The following PPARGC1A variants were observed in gnomAD, a reference collection of about 807,000 sequenced individuals.
PPARGC1A encodes PPARG coactivator 1 alpha.
A neutral mutation model predicts 88.7 loss-of-function variants in PPARGC1A; 25 were observed. The observed-to-expected ratio is 0.28, with a 90% confidence interval of 0.21 to 0.39. The LOEUF is 0.39. Among genes scored for constraint, PPARGC1A ranks in the 10% least tolerant of loss-of-function variants. The probability of loss-of-function intolerance (pLI) is 1.00; values close to 1 mark genes in which losing one functional copy is unlikely to be tolerated. For synonymous variants in PPARGC1A, 363 were observed against 355.6 expected, an observed-to-expected ratio of 1.02 and a Z score of -0.24; for missense variants, 880 against 968.7, an observed-to-expected ratio of 0.91 and a Z score of 1.22.
At chr4:24,070,941 G>A in the PPARGC1A span, among the ~76,000 whole-genome samples, 1 of 152,124 alleles carries the variant, frequency 6.6e-6, no homozygotes, top group Non-Finnish European at 1.5e-5. Context: ...GAGGCCTTAT[G>A]GCCAGCAAAG....
At chr4:24,123,730 C>G in the PPARGC1A span, among the ~76,000 whole-genome samples, 2 of 152,002 alleles carry the variant, frequency 1.3e-5, no homozygotes, top group South Asian at 4.2e-4. Context: ...TCAAGTCATT[C>G]TGCTTAAACC....
chr4:24,159,623 A>G, the PPARGC1A span, among the ~76,000 whole-genome samples: 1 of 152,182 alleles, frequency 6.6e-6, no homozygotes, highest in Non-Finnish European at 1.5e-5. Flanking sequence ...TATAATAGTT[A>G]TTGTTAAATT....
the PPARGC1A span, among the ~76,000 whole-genome samples, chr4:24,370,891 C>T: frequency 1.3e-4 from 20 of 151,172 alleles, no homozygotes; most frequent in Admixed American, 3.3e-4. Flanking sequence ...TTTTAAGCCC[C>T]GTATGCATTA....
At chr4:24,162,005 CA>C in the PPARGC1A span, among the ~76,000 whole-genome samples, 1 of 142,668 alleles carries the variant, frequency 7.0e-6, no homozygotes, top group South Asian at 2.3e-4. Flanking sequence ...CACACACACA[CA>C]CACACACCAT....
chr4:24,329,268 T>C, the PPARGC1A span, among the ~76,000 whole-genome samples: 1 of 152,032 alleles, frequency 6.6e-6, no homozygotes, highest in Non-Finnish European at 1.5e-5. Context: ...CTTTTTTTTT[T>C]TTCCTCTTCA....
At chr4:24,233,632 C>A in the PPARGC1A span, among the ~76,000 whole-genome samples, 1 of 149,140 alleles carries the variant, frequency 6.7e-6, no homozygotes, top group African/African-American at 2.5e-5. Context: ...ATATACACAC[C>A]CAAGGTTTAG....
the PPARGC1A span, among the ~76,000 whole-genome samples, chr4:24,168,630 C>A: frequency 1.4e-5 from 2 of 146,622 alleles, no homozygotes; most frequent in African/African-American, 2.7e-5. Context: ...CACACACAAA[C>A]ACACAGACAT....
chr4:24,403,212 G>A, the PPARGC1A span, among the ~76,000 whole-genome samples: 12 of 152,146 alleles, frequency 7.9e-5, no homozygotes, highest in Admixed American at 2.6e-4. Flanking sequence ...CACCTCCCAC[G>A]GCTATCATGA....
intron 2 of PPARGC1A, among the ~76,000 whole-genome samples, chr4:23,871,597 A>G (rs1713380363): frequency 6.6e-6 from 1 of 152,152 alleles, no homozygotes; most frequent in African/African-American, 2.4e-5. Flanking sequence ...GGCTGGCAAG[A>G]CACAAGAGGA....
At chr4:24,076,316 G>A in the PPARGC1A span, among the ~76,000 whole-genome samples, 1 of 152,094 alleles carries the variant, frequency 6.6e-6, no homozygotes, top group South Asian at 2.1e-4. Context: ...ATCTGTGGAG[G>A]AGTCAGCCCT....
chr4:24,388,412 C>T, the PPARGC1A span, among the ~76,000 whole-genome samples: 27,555 of 152,104 alleles, frequency 0.18, 2,684 homozygotes, highest in Middle Eastern at 0.32. Context: ...GACAATGTGG[C>T]GGTTCCTCAA....
chr4:23,961,464 T>A, the PPARGC1A span, among the ~76,000 whole-genome samples: 1 of 152,180 alleles, frequency 6.6e-6, no homozygotes, highest in East Asian at 1.9e-4. Flanking sequence ...ACATCGCCCC[T>A]GCTTCCCTGC....
chr4:24,317,163 G>T, the PPARGC1A span, among the ~76,000 whole-genome samples: 1 of 151,862 alleles, frequency 6.6e-6, no homozygotes, highest in Admixed American at 6.6e-5. Context: ...GCTAGGAGTG[G>T]GCATACTACC....
chr4:24,453,471 G>A, the PPARGC1A span, among the ~76,000 whole-genome samples: 3 of 152,202 alleles, frequency 2.0e-5, no homozygotes, highest in African/African-American at 7.2e-5. Context: ...TGAGTTATGG[G>A]TGTAGTAAAT....
chr4:24,130,283 A>G, the PPARGC1A span, among the ~76,000 whole-genome samples: 3 of 152,192 alleles, frequency 2.0e-5, no homozygotes, highest in Non-Finnish European at 4.4e-5. Flanking sequence ...ATCTCCATTT[A>G]TACCCCAGGA....
the PPARGC1A span, among the ~76,000 whole-genome samples, chr4:23,916,275 T>A: frequency 6.6e-6 from 1 of 152,206 alleles, no homozygotes; most frequent in African/African-American, 2.4e-5. Flanking sequence ...AATCTTAATA[T>A]GTGATAATGT....
At chr4:24,148,757 C>A in the PPARGC1A span, among the ~76,000 whole-genome samples, 1 of 152,286 alleles carries the variant, frequency 6.6e-6, no homozygotes, top group Non-Finnish European at 1.5e-5. Flanking sequence ...ATTACTTGCT[C>A]ACACATAAGA....
chr4:24,276,725 A>G, the PPARGC1A span, among the ~76,000 whole-genome samples: 2 of 152,210 alleles, frequency 1.3e-5, no homozygotes, highest in Non-Finnish European at 2.9e-5. Context: ...TATACCTAAG[A>G]GAAGAAATAG....
chr4:23,876,841 T>C (rs985848507), intron 2 of PPARGC1A, among the ~76,000 whole-genome samples: 3 of 151,906 alleles, frequency 2.0e-5, no homozygotes, highest in East Asian at 1.9e-4. Context: ...AAAAAAGTAG[T>C]TGTTTAAGTC....
Sources: gnomAD v4.1 joint callset for allele counts (sites outside exome capture counted in the v4.1 genomes callset) on GRCh38, gnomAD v4.1.1 for gene constraint, MANE v1.5 for transcripts, NCBI Gene and HGNC (gene_info 2026-07-23, HGNC 2026-07-21) for gene names.